Variants in CENPP observed in about 807,000 individuals in gnomAD.
CENPP encodes centromere protein P.
CENPP carries 24 observed loss-of-function variants against 35.6 expected under a neutral mutation model. The ratio of observed to expected loss-of-function variants is 0.67; its 90% confidence interval spans 0.49 to 0.95. CENPP has a LOEUF of 0.95. CENPP is among the 40% of genes least tolerant of loss of function. The probability of loss-of-function intolerance (pLI) is 0.00; values close to 1 mark genes in which losing one functional copy is unlikely to be tolerated. For synonymous variants in CENPP, 120 were observed against 125.5 expected (o/e 0.96, Z 0.29); for missense variants, 332 against 345.3 (o/e 0.96, Z 0.31).
intron 5 of CENPP, among the ~76,000 whole-genome samples, chr9:92,406,768 C>T (rs112120625): frequency 1.8e-4 from 28 of 152,236 alleles, no homozygotes; most frequent in African/African-American, 5.5e-4. Flanking sequence ...TGTTGACTGA[C>T]GGCCTCCCTC....
intron 5 of CENPP, among the ~76,000 whole-genome samples, chr9:92,525,450 A>G (rs1015461849): frequency 7.9e-5 from 12 of 152,256 alleles, no homozygotes; most frequent in African/African-American, 2.9e-4. Flanking sequence ...GACAAATTGC[A>G]TATACCATGA....
Position 92,460,646 on chromosome 9 carries a change from G to A in CENPP, c.564+80787G>A. ...CTATTTGTTTACTTTTCAAGTTTCA[G>A]ATTATGGATTTAGGCAACTTTTTAG... On this transcript the variant is annotated intron_variant, in intron 5 of 7. Coordinates refer to ENST00000375587, the MANE Select transcript of CENPP (RefSeq NM_001012267.3). The A allele has an allele frequency of 3.1e-6, 3 of 959,714 alleles. No homozygotes were observed. The South Asian group carries it at 4.8e-5, about 15-fold the overall frequency. The allele number at this position is 959,714 out of a possible 1,614,324, so 59.4% of individuals were successfully genotyped here. A position where few individuals can be genotyped will look rare whatever the true frequency, so the allele number is the denominator to read the frequency against.
chr9:92,519,205 C>A (rs2131229203), intron 5 of CENPP, among the ~76,000 whole-genome samples: 1 of 152,316 alleles, frequency 6.6e-6, no homozygotes, highest in East Asian at 1.9e-4. Flanking sequence ...ATCCCACCTA[C>A]CCAATTCCTC....
At chr9:92,359,766 C>G (rs1841692799) in intron 4 of CENPP, among the ~76,000 whole-genome samples, 1 of 151,274 alleles carries the variant, frequency 6.6e-6, no homozygotes, top group African/African-American at 2.4e-5. Context: ...AAACACAGAT[C>G]CTTTATGGCT....
At chr9:92,463,691 A>G (rs1294961458) in intron 5 of CENPP, among the ~76,000 whole-genome samples, 1 of 152,094 alleles carries the variant, frequency 6.6e-6, no homozygotes, top group African/African-American at 2.4e-5. Context: ...GGGATTTTAT[A>G]TGTTTAACTT....
rs776124805 is a variant in CENPP, at chr9:92,416,957, G to A, written c.564+37098G>A. The A allele has an allele frequency of 5.0e-6, 8 of 1,613,770 alleles. No individual in the cohort carries two copies. Among genetic ancestry groups the A allele is most frequent in the Middle Eastern group, 1.6e-4 (1 of 6,082 alleles). On this transcript the variant is annotated intron_variant, in intron 5 of 7. Transcript: ENST00000375587. ...GGCAAAGATTTTGTCTTTTAGCAGA[G>A]AATCATGAAGATAATTATAACAGAG...
intron 5 of CENPP, among the ~76,000 whole-genome samples, chr9:92,547,228 A>G (rs1409092555): frequency 6.6e-6 from 1 of 152,204 alleles, no homozygotes; most frequent in East Asian, 1.9e-4. Flanking sequence ...TGTTTACCAT[A>G]GTAGGAATAT....
chr9:92,528,659 A>G (rs142961349), intron 5 of CENPP, among the ~76,000 whole-genome samples: 5 of 152,332 alleles, frequency 3.3e-5, no homozygotes, highest in Non-Finnish European at 7.4e-5. Context: ...GGCATCTGGT[A>G]GAGTACTCAG....
chr9:92,354,881 G>A (rs1002702638), intron 4 of CENPP, among the ~76,000 whole-genome samples: 7 of 152,144 alleles, frequency 4.6e-5, no homozygotes, highest in Non-Finnish European at 7.4e-5. Context: ...CAGTAGGACC[G>A]TGATGCCTGC....
chr9:92,401,915 A>G (rs1843130330), intron 5 of CENPP, among the ~76,000 whole-genome samples: 1 of 150,874 alleles, frequency 6.6e-6, no homozygotes, highest in Middle Eastern at 3.2e-3. Flanking sequence ...CTCGGTCTTG[A>G]CTCCTGACTC....
chr9:92,618,658 C>A lies in CENPP; in HGVS notation c.*5509C>A. On this transcript the variant is annotated 3_prime_UTR_variant, in exon 8 of 8. Coordinates refer to ENST00000375587, the MANE Select transcript of CENPP (RefSeq NM_001012267.3). ...CTTAGGGGATAACAGGAGTTTTCAACTAAATAGAACAACCTTTTTTCTACT... is the reference window on the plus strand; with the variant it reads ...CTTAGGGGATAACAGGAGTTTTCAAATAAATAGAACAACCTTTTTTCTACT... 2.3e-6 allele frequency: 1 copy of A among 428,606 alleles called. No individual in the cohort carries two copies. Among genetic ancestry groups the A allele is most frequent in the Non-Finnish European group, 4.7e-6 (1 of 211,504 alleles). 26.6% of individuals were successfully genotyped at this position (428,606 alleles called of 1,614,324 possible). A position where few individuals can be genotyped will look rare whatever the true frequency, so the allele number is the denominator to read the frequency against.
At chr9:92,369,127 G>A (rs1841952919) in intron 4 of CENPP, among the ~76,000 whole-genome samples, 1 of 152,178 alleles carries the variant, frequency 6.6e-6, no homozygotes, top group Non-Finnish European at 1.5e-5. Context: ...CAGATGAAGA[G>A]ACAATTGCCA....
intron 6 of CENPP, 99 bp from the exon 7 acceptor site, chr9:92,612,424 C>G (rs1375509314): frequency 1.1e-6 from 1 of 897,956 alleles, no homozygotes; most frequent in Non-Finnish European, 1.8e-6. Flanking sequence ...AGCAGGGGAG[C>G]CCAGCATGGG....
At chr9:92,343,736 A>G (rs1841192260) in intron 3 of CENPP, among the ~76,000 whole-genome samples, 2 of 152,182 alleles carry the variant, frequency 1.3e-5, no homozygotes, top group African/African-American at 4.8e-5. Flanking sequence ...GCTTGAGCCC[A>G]GGAATTAAAG....
intron 5 of CENPP, chr9:92,501,203 T>A: frequency 1.3e-6 from 1 of 759,432 alleles, no homozygotes; most frequent in Non-Finnish European, 2.1e-6. Flanking sequence ...TTTCCAGGTA[T>A]AGCCAGCCCT....
chr9:92,357,773 G>A (rs1841631432), intron 4 of CENPP, among the ~76,000 whole-genome samples: 1 of 152,064 alleles, frequency 6.6e-6, no homozygotes, highest in South Asian at 2.1e-4. Context: ...GGGATTACAG[G>A]TGTGAGCCAC....
intron 5 of CENPP, among the ~76,000 whole-genome samples, chr9:92,572,710 T>C (rs1850175206): frequency 1.3e-5 from 2 of 152,258 alleles, no homozygotes; most frequent in African/African-American, 4.8e-5. Context: ...ATTCTCCCCG[T>C]CACTTTCAGG....
rs147100147 is a variant in CENPP at position 92,456,859 on chromosome 9, C to G, written c.564+77000C>G. On this transcript the variant is annotated intron_variant, in intron 5 of 7. Transcript: ENST00000375587. ...TAAAGAATAAGAATAGTGTAATGCA[C>G]TCTTCACATTACTGTCTTTGTTAAT... 1,462 of 688,910 alleles carry G rather than the reference C, an allele frequency of 2.1e-3. 22 individuals carry two copies. The African/African-American group carries it at 0.026, about 12-fold the overall frequency. The allele number at this position is 688,910 out of a possible 1,614,324, so 42.7% of individuals were successfully genotyped here.
intron 5 of CENPP, among the ~76,000 whole-genome samples, chr9:92,585,245 G>T (rs12350842): frequency 0.21 from 32,439 of 152,114 alleles, 4,300 homozygotes; most frequent in African/African-American, 0.37. Flanking sequence ...CCACATTTTA[G>T]AAATATAGTC....
Sources: allele counts gnomAD v4.1 joint callset (sites outside exome capture counted in the v4.1 genomes callset), GRCh38; gene constraint gnomAD v4.1.1; transcripts MANE v1.5; gene names NCBI Gene and HGNC (gene_info 2026-07-23, HGNC 2026-07-21).